The following MLKL variants were observed in gnomAD, a reference collection of about 807,000 sequenced individuals.
MLKL encodes the protein mixed lineage kinase domain like pseudokinase, also known as mixed lineage kinase domain-like protein.
Under a neutral mutation model 56.5 loss-of-function variants are expected in MLKL, and 55 were observed. The ratio of observed to expected loss-of-function variants is 0.97; its 90% confidence interval spans 0.78 to 1.22. The LOEUF (loss-of-function observed/expected upper bound fraction) is 1.22. Ranked by LOEUF, MLKL falls within the 50% of genes most tolerant of loss-of-function variation. The pLI is 0.00. For missense variants in MLKL, 694 were observed against 573.9 expected, an observed-to-expected ratio of 1.21 and a Z score of -2.14; for synonymous variants, 251 against 208.3, an observed-to-expected ratio of 1.20 and a Z score of -1.76.
chr16:74,691,311 T>C lies in MLKL; in HGVS notation c.688A>G (p.Lys230Glu). The change falls in exon 4 of 11, where the codon AAA (lysine) becomes GAA (glutamate). Residue 230 changes from lysine (K) to glutamate (E), a missense_variant. Lys to Glu is a moderately conservative substitution (Grantham distance 56). Coordinates refer to ENST00000308807, the MANE Select transcript of MLKL (RefSeq NM_152649.4). ...CCAGCCTGGAGTTTTTTGAATACTT[T>C]TATGGCCACTGGAGCTCTGTGGTAT... ...GEYHRAPVAI[K>E]VFKKLQAGSI... 6.2e-7 allele frequency: 1 copy of C among 1,612,346 alleles called. No homozygotes were observed.
rs552046528 is a variant in MLKL at position 74,679,566 on chromosome 16, G to C, written c.957-586C>G. ...CTTGCGCTTATAATCCCCACACTTT[G>C]GGAGACCAAGGTGGATGGATCACTT... On this transcript the variant is annotated intron_variant, in intron 6 of 10. Transcript: ENST00000308807. Among the ~76,000 whole-genome samples the C allele has an allele frequency of 2.0e-5, 3 of 152,294 alleles. No individual in the cohort carries two copies. In the South Asian group the frequency reaches 6.2e-4, roughly 32 times the overall value.
chr16:74,676,004 AG>A, intron 7 of MLKL: 1 of 507,676 alleles, frequency 2.0e-6, no homozygotes. Context: ...GGGCGATGAC[AG>A]GGGGGATTAC....
intron 10 of MLKL, among the ~76,000 whole-genome samples, chr16:74,673,495 G>C (rs887288917): frequency 6.6e-6 from 1 of 152,150 alleles, no homozygotes; most frequent in Non-Finnish European, 1.5e-5. Context: ...TGAGATTACA[G>C]GTGTGAGCCA....
At chr16:74,674,588 A>G (rs1027995142) in intron 10 of MLKL, among the ~76,000 whole-genome samples, 1 of 151,988 alleles carries the variant, frequency 6.6e-6, no homozygotes, top group Non-Finnish European at 1.5e-5. Flanking sequence ...AGTAGCTGGG[A>G]TTACAGGCAT....
At chr16:74,694,670 T>C (rs1462222393) in intron 2 of MLKL, among the ~76,000 whole-genome samples, 1 of 152,108 alleles carries the variant, frequency 6.6e-6, no homozygotes, top group Non-Finnish European at 1.5e-5. Flanking sequence ...CTCGGGAGCC[T>C]GAGGTGGGAG....
chr16:74,700,854 C>T lies in MLKL; in HGVS notation c.-404G>A, dbSNP rs1961345021. The T allele has an allele frequency of 6.6e-6, 1 of 152,360 alleles. No homozygotes were observed. The highest frequency in any genetic ancestry group is 1.5e-5 in the Non-Finnish European group (1 of 68,164). The allele number at this position is 152,360 out of a possible 1,614,324, so 9.4% of individuals were successfully genotyped here. A position where few individuals can be genotyped will look rare whatever the true frequency, so the allele number is the denominator to read the frequency against. Reference sequence around the variant, plus strand: ...CGACGTGGCTCCAGCTGCCAACCACCAGGCTCACGGTGCCCTGGCTCCCTG... The same window carrying T: ...CGACGTGGCTCCAGCTGCCAACCACTAGGCTCACGGTGCCCTGGCTCCCTG... On this transcript the variant is annotated 5_prime_UTR_variant, in exon 1 of 11. Coordinates refer to ENST00000308807, the MANE Select transcript of MLKL (RefSeq NM_152649.4).
At chr16:74,689,836 T>C (rs1024402602) in intron 4 of MLKL, among the ~76,000 whole-genome samples, 15 of 152,170 alleles carry the variant, frequency 9.9e-5, no homozygotes, top group Non-Finnish European at 1.8e-4. Flanking sequence ...TGACTTACTA[T>C]GTGGCTAAAA....
At chr16:74,699,992 T>C (rs991133746) in intron 1 of MLKL, among the ~76,000 whole-genome samples, 1 of 152,024 alleles carries the variant, frequency 6.6e-6, no homozygotes, top group Non-Finnish European at 1.5e-5. Flanking sequence ...TATGTTACGA[T>C]GAGAAAACAG....
At chr16:74,688,115 C>T (rs954070985) in intron 4 of MLKL, among the ~76,000 whole-genome samples, 79 of 151,764 alleles carry the variant, frequency 5.2e-4, no homozygotes, top group Non-Finnish European at 2.8e-4. Flanking sequence ...TGAGCCACTG[C>T]GCCCAGCCAA....
intron 4 of MLKL, among the ~76,000 whole-genome samples, chr16:74,689,165 A>T (rs1306809054): frequency 6.9e-6 from 1 of 145,200 alleles, no homozygotes; most frequent in East Asian, 2.0e-4. Flanking sequence ...CCCAGGCTGG[A>T]GTGCAGTGGC....
intron 2 of MLKL, among the ~76,000 whole-genome samples, chr16:74,693,201 T>A (rs1487065079): frequency 6.6e-6 from 1 of 152,094 alleles, no homozygotes; most frequent in Non-Finnish European, 1.5e-5. Context: ...ATGCCTGTAA[T>A]CCTAGCACTT....
chr16:74,691,235 T>C, intron 4 of MLKL, 42 bp downstream of exon 4: 1 of 1,523,504 alleles, frequency 6.6e-7, no homozygotes, highest in Non-Finnish European at 8.9e-7. Flanking sequence ...AGAGTTAGAG[T>C]AAGTATTGGT....
At chr16:74,693,453 C>CAAAAAAAAAA (rs71158538) in intron 2 of MLKL, among the ~76,000 whole-genome samples, 1 of 35,364 alleles carries the variant, frequency 2.8e-5, no homozygotes, top group Non-Finnish European at 5.2e-5. Context: ...GACTCTGTCT[C>CAAAAAAAAAA]AAAAAAAAAA....
chr16:74,696,774 A>G lies in MLKL; in HGVS notation c.-2-1015T>C, dbSNP rs558503275. On this transcript the variant is annotated intron_variant, in intron 1 of 10. Coordinates refer to ENST00000308807, the MANE Select transcript of MLKL (RefSeq NM_152649.4). ...GGAGTTGGAAACCAGCCTGGCCAAC[A>G]TGGTGAAACCCCGTCTCTACTAAAA... Among the ~76,000 whole-genome samples the G allele has an allele frequency of 3.2e-4, 48 of 151,562 alleles. 1 individual carries two copies. The South Asian group carries it at 9.6e-3, about 30-fold the overall frequency.
At chr16:74,685,674 C>T (rs1051534783) in intron 4 of MLKL, 91 bp from the exon 5 acceptor site, 33 of 973,338 alleles carry the variant, frequency 3.4e-5, no homozygotes, top group South Asian at 5.5e-5. Context: ...TATGTGGGGG[C>T]GGGGGTATCA....
At chr16:74,675,430 A>G in intron 8 of MLKL, 26 bp from the exon 9 acceptor site, 1 of 1,611,024 alleles carries the variant, frequency 6.2e-7, no homozygotes, top group Non-Finnish European at 8.5e-7. Context: ...GAAACTGAAC[A>G]ACCATAACTA....
chr16:74,676,430 G>A, intron 7 of MLKL: 2 of 985,414 alleles, frequency 2.0e-6, no homozygotes, highest in Non-Finnish European at 2.4e-6. Context: ...CCAAATCTAG[G>A]GGCAATGTGA....
At chr16:74,679,276 G>A (rs938779372) in intron 6 of MLKL, among the ~76,000 whole-genome samples, 5 of 152,310 alleles carry the variant, frequency 3.3e-5, no homozygotes, top group Admixed American at 6.5e-5. Context: ...CTTTGCCTGG[G>A]AAGTGCTGGG....
intron 7 of MLKL, among the ~76,000 whole-genome samples, 162 bp downstream of exon 7, chr16:74,678,737 C>T (rs1286366044): frequency 6.6e-6 from 1 of 152,134 alleles, no homozygotes; most frequent in Non-Finnish European, 1.5e-5. Context: ...GGGGCGATCT[C>T]GCTCACTGCC....
Sources: allele counts gnomAD v4.1 joint callset (sites outside exome capture counted in the v4.1 genomes callset), GRCh38; gene constraint gnomAD v4.1.1; transcripts MANE v1.5; gene names NCBI Gene and HGNC (gene_info 2026-07-23, HGNC 2026-07-21).